The following CDH13 variants were observed in gnomAD, a reference collection of about 807,000 sequenced individuals.
CDH13 encodes cadherin-13.
In CDH13, 24 loss-of-function variants were observed where a neutral mutation model predicts 63.8. The ratio of observed to expected loss-of-function variants is 0.38; its 90% CI spans 0.27 to 0.53. The LOEUF is 0.53. Among genes scored for constraint, CDH13 ranks in the 20% least tolerant of loss-of-function variants. The probability of loss-of-function intolerance (pLI) is 0.85; values close to 1 mark genes in which losing one functional copy is unlikely to be tolerated. For synonymous variants in CDH13, 503 were observed against 355.3 expected, an observed-to-expected ratio of 1.42 and a Z score of -4.67; for missense variants, 1,049 against 903.1, an observed-to-expected ratio of 1.16 and a Z score of -2.07.
At chr16:83,085,182 G>T (rs78511630) in intron 3 of CDH13, among the ~76,000 whole-genome samples, 10,022 of 151,852 alleles carry the variant, frequency 0.066, 370 homozygotes, top group Non-Finnish European at 0.071. Context: ...CATGACAGGG[G>T]GCAAAAGGCA....
chr16:82,752,578 TCA>T (rs1393019817), intron 1 of CDH13, among the ~76,000 whole-genome samples: 2 of 152,224 alleles, frequency 1.3e-5, no homozygotes, highest in Non-Finnish European at 2.9e-5. Flanking sequence ...TGTCCAATTC[TCA>T]GTTGTGAGCT....
chr16:82,734,233 C>T (rs550386999), intron 1 of CDH13, among the ~76,000 whole-genome samples: 1 of 152,310 alleles, frequency 6.6e-6, no homozygotes, highest in South Asian at 2.1e-4. Context: ...TATGCACTAT[C>T]TGTGTCTGTT....
chr16:83,443,261 T>G (rs1464080814), intron 6 of CDH13, among the ~76,000 whole-genome samples: 1 of 152,128 alleles, frequency 6.6e-6, no homozygotes, highest in East Asian at 1.9e-4. Context: ...GCTTCACCCC[T>G]GGGGAGGCCA....
At chr16:83,016,120 A>G (rs1395877177) in intron 2 of CDH13, among the ~76,000 whole-genome samples, 1 of 152,154 alleles carries the variant, frequency 6.6e-6, no homozygotes, top group Non-Finnish European at 1.5e-5. Context: ...CATATGGCCT[A>G]AGGGATGTAA....
At chr16:83,378,111 C>G (rs889190446) in intron 6 of CDH13, among the ~76,000 whole-genome samples, 20 of 152,196 alleles carry the variant, frequency 1.3e-4, no homozygotes, top group Admixed American at 2.6e-4. Context: ...AAGAGCACAC[C>G]TTGCAGAAGC....
chr16:83,247,494 C>A (rs1905090206), intron 5 of CDH13, among the ~76,000 whole-genome samples: 1 of 7,780 alleles, frequency 1.3e-4, no homozygotes, highest in Admixed American at 2.4e-3. Flanking sequence ...ATGCTGTCAC[C>A]ACTTTTTTTT....
intron 5 of CDH13, among the ~76,000 whole-genome samples, chr16:83,273,687 A>G (rs2088895189): frequency 6.6e-6 from 1 of 152,192 alleles, no homozygotes; most frequent in Non-Finnish European, 1.5e-5. Context: ...GACAGGTTTT[A>G]ATGACATAGG....
At chr16:83,309,991 G>A (rs1203381853) in intron 5 of CDH13, among the ~76,000 whole-genome samples, 4 of 151,948 alleles carry the variant, frequency 2.6e-5, no homozygotes, top group African/African-American at 9.7e-5. Flanking sequence ...CAGATGAGTG[G>A]GTACAAAAGT....
chr16:83,784,439 C>G (rs191585988), intron 13 of CDH13, among the ~76,000 whole-genome samples: 4 of 152,232 alleles, frequency 2.6e-5, no homozygotes, highest in Non-Finnish European at 5.9e-5. Flanking sequence ...CAAGACCAGT[C>G]TGGCCAACAT....
intron 1 of CDH13, among the ~76,000 whole-genome samples, chr16:82,765,594 CA>C (rs1353675889): frequency 1.3e-5 from 2 of 152,150 alleles, no homozygotes; most frequent in Non-Finnish European, 2.9e-5. Context: ...ATGAGAAAAT[CA>C]TGTGGCATAA....
intron 7 of CDH13, among the ~76,000 whole-genome samples, chr16:83,490,776 TCC>T (rs1301806917): frequency 6.6e-6 from 1 of 152,170 alleles, no homozygotes; most frequent in Non-Finnish European, 1.5e-5. Flanking sequence ...GGCCATTTCT[TCC>T]CCTTCCATAT....
chr16:82,681,432 G>T (rs1257115514), intron 1 of CDH13, among the ~76,000 whole-genome samples: 1 of 152,164 alleles, frequency 6.6e-6, no homozygotes, highest in Non-Finnish European at 1.5e-5. Context: ...AGTGGTGATG[G>T]TTGCACAGCA....
chr16:83,276,366 G>T (rs2088988302), intron 5 of CDH13, among the ~76,000 whole-genome samples: 1 of 152,230 alleles, frequency 6.6e-6, no homozygotes, highest in Non-Finnish European at 1.5e-5. Flanking sequence ...CTCTTCACCT[G>T]TGTCTTTGGT....
At chr16:83,682,314 A>G (rs933870036) in intron 10 of CDH13, among the ~76,000 whole-genome samples, 2 of 152,038 alleles carry the variant, frequency 1.3e-5, no homozygotes, top group African/African-American at 4.8e-5. Context: ...AGGTGGGAAG[A>G]GGCGTTACTA....
At chr16:83,221,685 G>A (rs1052415568) in intron 5 of CDH13, among the ~76,000 whole-genome samples, 1 of 151,948 alleles carries the variant, frequency 6.6e-6, no homozygotes, top group African/African-American at 2.4e-5. Flanking sequence ...GATGGGCTCT[G>A]CAGGAGGTGC....
At chr16:83,192,809 C>T (rs908462262) in intron 4 of CDH13, among the ~76,000 whole-genome samples, 1 of 152,048 alleles carries the variant, frequency 6.6e-6, no homozygotes, top group African/African-American at 2.4e-5. Flanking sequence ...ACAACTGCCC[C>T]CTAAGTGTGG....
intron 4 of CDH13, among the ~76,000 whole-genome samples, chr16:83,167,499 C>CAAAAAAAAAAAAAAAAAAA (rs11430454): frequency 2.0e-5 from 2 of 99,552 alleles, no homozygotes; most frequent in African/African-American, 4.0e-5. Flanking sequence ...GACCCTTTCC[C>CAAAAAAAAAAAAAAAAAAA]AAAAAAAAAA....
At chr16:82,836,307 C>T (rs528586777) in intron 1 of CDH13, among the ~76,000 whole-genome samples, 1 of 152,038 alleles carries the variant, frequency 6.6e-6, no homozygotes, top group Non-Finnish European at 1.5e-5. Context: ...CACCACCACG[C>T]CCAGTTATTT....
chr16:83,379,577 T>C (rs1173349880), intron 6 of CDH13, among the ~76,000 whole-genome samples: 1 of 152,152 alleles, frequency 6.6e-6, no homozygotes, highest in Non-Finnish European at 1.5e-5. Flanking sequence ...CACAACTTGA[T>C]CATGAGAAGG....
Sources: gnomAD v4.1 joint callset for allele counts (sites outside exome capture counted in the v4.1 genomes callset) on GRCh38, gnomAD v4.1.1 for gene constraint, MANE v1.5 for transcripts, NCBI Gene and HGNC (gene_info 2026-07-23, HGNC 2026-07-21) for gene names.